ME3: variants seen among roughly 807,000 people sequenced by gnomAD.
ME3 encodes malic enzyme 3, also known as NADP-dependent malic enzyme, mitochondrial.
Under a neutral mutation model 68.9 loss-of-function variants are expected in ME3, and 48 were observed. That is an observed-to-expected ratio of 0.70 (90% CI 0.55 to 0.89). The LOEUF is 0.89. Among genes scored for constraint, ME3 ranks in the 40% least tolerant of loss-of-function variants. ME3 has a pLI of 0.00. For synonymous variants in ME3, 320 were observed against 318.8 expected (o/e 1.00, Z -0.04); for missense variants, 675 against 797.4 (o/e 0.85, Z 1.85).
chr11:86,658,574 C>T (rs1946072557), intron 2 of ME3, among the ~76,000 whole-genome samples: 1 of 152,146 alleles, frequency 6.6e-6, no homozygotes, highest in Admixed American at 6.5e-5. Flanking sequence ...GTCCAGTTGA[C>T]AGTAGTAGAT....
chr11:86,523,507 ACT>A (rs914544625), intron 4 of ME3, among the ~76,000 whole-genome samples: 2 of 149,130 alleles, frequency 1.3e-5, no homozygotes, highest in African/African-American at 2.4e-5. Context: ...AATTGTTTGT[ACT>A]CTTTTTTTTC....
chr11:86,505,814 G>A (rs531625846), intron 5 of ME3, among the ~76,000 whole-genome samples: 11 of 152,256 alleles, frequency 7.2e-5, no homozygotes, highest in Non-Finnish European at 1.3e-4. Context: ...CTACATAGTC[G>A]CTGGGACTGA....
At chr11:86,653,113 CA>C (rs1199092957) in intron 2 of ME3, among the ~76,000 whole-genome samples, 1 of 152,106 alleles carries the variant, frequency 6.6e-6, no homozygotes. Flanking sequence ...TAGAGACCTA[CA>C]AAGAGACTTA....
intron 2 of ME3, among the ~76,000 whole-genome samples, chr11:86,654,934 G>C (rs1490543743): frequency 6.6e-6 from 1 of 152,148 alleles, no homozygotes; most frequent in East Asian, 1.9e-4. Flanking sequence ...AAAATCACAA[G>C]CAGTCTTATA....
intron 4 of ME3, among the ~76,000 whole-genome samples, chr11:86,530,979 A>G (rs1955183406): frequency 6.6e-6 from 1 of 152,156 alleles, no homozygotes; most frequent in African/African-American, 2.4e-5. Context: ...AATGGCAACA[A>G]AAGCCAAAAT....
chr11:86,509,882 A>G (rs1318553132), intron 4 of ME3, among the ~76,000 whole-genome samples: 1 of 152,222 alleles, frequency 6.6e-6, no homozygotes, highest in Admixed American at 6.5e-5. Context: ...TCCTAGAACA[A>G]ACATTACTCA....
intron 7 of ME3, among the ~76,000 whole-genome samples, chr11:86,479,990 T>C (rs1023690764): frequency 2.6e-5 from 4 of 152,150 alleles, no homozygotes; most frequent in African/African-American, 7.2e-5. Flanking sequence ...AATTTTTTTT[T>C]GTATTTTCGG....
chr11:86,547,596 G>A (rs561237), intron 4 of ME3, among the ~76,000 whole-genome samples: 11,776 of 151,988 alleles, frequency 0.077, 585 homozygotes, highest in East Asian at 0.26. Flanking sequence ...AAACCTGCAC[G>A]TTCTGCACAT....
intron 2 of ME3, among the ~76,000 whole-genome samples, chr11:86,659,879 G>C (rs77160548): frequency 0.039 from 5,956 of 152,192 alleles, 150 homozygotes; most frequent in Non-Finnish European, 0.06. Flanking sequence ...CCAATCAATC[G>C]ATAGATAGAT....
intron 4 of ME3, among the ~76,000 whole-genome samples, chr11:86,530,353 A>G (rs1955114616): frequency 6.6e-6 from 1 of 152,236 alleles, no homozygotes; most frequent in African/African-American, 2.4e-5. Context: ...AAAAGAGGAT[A>G]CAAAAAAATG....
chr11:86,649,686 A>G (rs781688314), intron 2 of ME3, among the ~76,000 whole-genome samples: 8 of 152,162 alleles, frequency 5.3e-5, no homozygotes, highest in Non-Finnish European at 1.2e-4. Flanking sequence ...AAACAGCCAA[A>G]TAATGAGTGA....
At chr11:86,661,565 A>C (rs1041225104) in intron 2 of ME3, among the ~76,000 whole-genome samples, 1 of 152,234 alleles carries the variant, frequency 6.6e-6, no homozygotes, top group African/African-American at 2.4e-5. Flanking sequence ...GCAATGGATG[A>C]CTATACTCAG....
At chr11:86,639,994 G>C (rs529319821) in intron 2 of ME3, among the ~76,000 whole-genome samples, 1 of 152,296 alleles carries the variant, frequency 6.6e-6, no homozygotes, top group Non-Finnish European at 1.5e-5. Context: ...ATTGGGCAGA[G>C]AGTGGAGGTG....
intron 5 of ME3, among the ~76,000 whole-genome samples, chr11:86,502,656 G>A (rs1412424052): frequency 6.6e-6 from 1 of 152,226 alleles, no homozygotes; most frequent in East Asian, 1.9e-4. Context: ...AACCTGGGCA[G>A]CATCCTTGAA....
intron 12 of ME3, 82 bp downstream of exon 12, chr11:86,446,983 G>A: frequency 2.6e-6 from 4 of 1,510,654 alleles, no homozygotes; most frequent in Non-Finnish European, 3.6e-6. Flanking sequence ...CGATGTAGGA[G>A]TATTTTTCAC....
intron 4 of ME3, among the ~76,000 whole-genome samples, chr11:86,513,936 ATGGTGGT>A (rs1953713640): frequency 6.6e-6 from 1 of 152,144 alleles, no homozygotes; most frequent in South Asian, 2.1e-4. Flanking sequence ...CCATGATGAT[ATGGTGGT>A]TCTGGGTCCC....
At chr11:86,614,340 G>A (rs1942805077) in intron 2 of ME3, among the ~76,000 whole-genome samples, 1 of 152,144 alleles carries the variant, frequency 6.6e-6, no homozygotes, top group African/African-American at 2.4e-5. Context: ...CACCACTTAT[G>A]TAGAAATTAT....
Position 86,502,309 on chromosome 11 carries a change from CCTACT to C in ME3, c.544-4190_544-4186del, listed in dbSNP as rs1440162108. On this transcript the variant is annotated intron_variant, in intron 5 of 14. Coordinates refer to ENST00000543262, the Ensembl canonical transcript of ME3. ...CTGAATTCCCATAGCATTTTCCTCA[CCTACT>C]AAACCTATCACTCCCTTCCTTGTAT... Among the ~76,000 whole-genome samples, 6 of 152,222 alleles carry C rather than the reference CCTACT, an allele frequency of 3.9e-5. 1 individual carries two copies. The highest frequency in any genetic ancestry group is 3.9e-4 in the Admixed American group (6 of 15,290).
At chr11:86,451,701 T>C (rs529135850) in intron 8 of ME3, among the ~76,000 whole-genome samples, 24 of 152,342 alleles carry the variant, frequency 1.6e-4, no homozygotes, top group African/African-American at 5.5e-4. Flanking sequence ...GGAGCAGATA[T>C]ACATTCTGGA....
Sources: gnomAD v4.1 joint callset for allele counts (sites outside exome capture counted in the v4.1 genomes callset) on GRCh38, gnomAD v4.1.1 for gene constraint, MANE v1.5 for transcripts, NCBI Gene and HGNC (gene_info 2026-07-23, HGNC 2026-07-21) for gene names.